Variants in PAX7 observed in about 807,000 individuals in gnomAD.
The protein encoded by PAX7 is paired box protein Pax-7.
In PAX7, 18 loss-of-function variants were observed where a neutral mutation model predicts 50.7. The observed-to-expected ratio is 0.36, with a 90% CI of 0.25 to 0.53. The LOEUF (loss-of-function observed/expected upper bound fraction) is 0.53. PAX7 is among the 20% of genes least tolerant of loss of function. The pLI, the probability that PAX7 is intolerant of heterozygous loss-of-function variation, is 0.93. For synonymous variants in PAX7, 310 were observed against 290.4 expected (o/e 1.07, Z -0.69); for missense variants, 644 against 702.9 (o/e 0.92, Z 0.95).
chr1:18,684,593 C>A (rs2088948011), intron 4 of PAX7, among the ~76,000 whole-genome samples: 1 of 152,256 alleles, frequency 6.6e-6, no homozygotes, highest in African/African-American at 2.4e-5. Context: ...CTTGCCGGGC[C>A]CCCAGCTGAG....
chr1:18,717,451 A>T (rs910452600), intron 7 of PAX7, among the ~76,000 whole-genome samples: 4 of 151,794 alleles, frequency 2.6e-5, no homozygotes, highest in African/African-American at 4.8e-5. Flanking sequence ...CCTTCCCTCC[A>T]CCTAGAACCT....
At chr1:18,736,084 C>T (rs2089709824) in intron 8 of PAX7, 19 of 884,628 alleles carry the variant, frequency 2.1e-5, no homozygotes, top group Non-Finnish European at 3.4e-5. Context: ...CCTGGCTAAG[C>T]CTCTGCTTCC....
intron 4 of PAX7, among the ~76,000 whole-genome samples, chr1:18,658,300 G>A (rs2088553753): frequency 1.4e-5 from 2 of 146,804 alleles, no homozygotes; most frequent in African/African-American, 5.1e-5. Flanking sequence ...AGCCCATCCT[G>A]GCTGTGTCTT....
intron 7 of PAX7, among the ~76,000 whole-genome samples, chr1:18,713,135 C>T (rs2089376758): frequency 6.6e-6 from 1 of 152,142 alleles, no homozygotes; most frequent in Non-Finnish European, 1.5e-5. Context: ...ACCAGCAAAA[C>T]ATCTTCCATC....
intron 8 of PAX7, among the ~76,000 whole-genome samples, chr1:18,738,622 A>C (rs1570248716): frequency 7.6e-6 from 1 of 131,306 alleles, no homozygotes; most frequent in African/African-American, 3.0e-5. Flanking sequence ...TTCCAGCTCC[A>C]CCCCTGCTGC....
intron 4 of PAX7, among the ~76,000 whole-genome samples, chr1:18,649,925 C>T (rs2100454435): frequency 6.6e-6 from 1 of 152,330 alleles, no homozygotes; most frequent in Middle Eastern, 3.4e-3. Flanking sequence ...GCAGGATCCA[C>T]CTAGTGGTTT....
At chr1:18,714,672 C>G (rs1248831200) in intron 7 of PAX7, among the ~76,000 whole-genome samples, 1 of 152,232 alleles carries the variant, frequency 6.6e-6, no homozygotes, top group Non-Finnish European at 1.5e-5. Context: ...TAGCAGAGAG[C>G]CTTCCTATTC....
At position 18,735,283 on chromosome 1, in the gene PAX7, C is replaced by T. The variant is rs560560330; in HGVS notation, c.1156-349C>T. Among the ~76,000 whole-genome samples, 4 of 152,308 alleles carry T rather than the reference C, an allele frequency of 2.6e-5. No homozygotes were observed. The highest frequency in any genetic ancestry group is 2.1e-4 in the South Asian group (1 of 4,814). ...ATGGGAGAGGCCTCATTAGCCAGTTCGTTCATTCATGCATTCATTCATGCA... is the reference window on the plus strand; with the variant it reads ...ATGGGAGAGGCCTCATTAGCCAGTTTGTTCATTCATGCATTCATTCATGCA... On this transcript the variant is annotated intron_variant, in intron 7 of 8. Coordinates refer to ENST00000420770, the MANE Select transcript of PAX7 (RefSeq NM_001135254.2). The surrounding 1 kb of genome is among the most constrained non-coding windows in gnomAD (Gnocchi z 4.0).
chr1:18,666,133 G>A (rs574853782), intron 4 of PAX7, among the ~76,000 whole-genome samples: 51 of 152,310 alleles, frequency 3.3e-4, no homozygotes, highest in Non-Finnish European at 6.5e-4. Flanking sequence ...GCGTAGCTCC[G>A]TCTCAATAAA....
intron 4 of PAX7, among the ~76,000 whole-genome samples, chr1:18,637,846 G>C (rs569039037): frequency 6.6e-6 from 1 of 152,350 alleles, no homozygotes; most frequent in Admixed American, 6.5e-5. Context: ...GGAAGAAAGG[G>C]AGCCAGCTGT....
chr1:18,694,506 A>AT (rs2089125838), intron 5 of PAX7, among the ~76,000 whole-genome samples: 1 of 149,300 alleles, frequency 6.7e-6, no homozygotes, highest in African/African-American at 2.4e-5. Flanking sequence ...ATAAATAAAT[A>AT]AATATAAAAT....
intron 4 of PAX7, among the ~76,000 whole-genome samples, chr1:18,681,082 G>A (rs889154285): frequency 2.1e-5 from 3 of 145,168 alleles, no homozygotes; most frequent in African/African-American, 5.1e-5. Context: ...CAGGAGAATC[G>A]CTTGAACCTG....
At chr1:18,732,824 G>T (rs1007674472) in intron 7 of PAX7, among the ~76,000 whole-genome samples, 1 of 152,034 alleles carries the variant, frequency 6.6e-6, no homozygotes. Flanking sequence ...ACCATCCCCC[G>T]ACTCCTCCCC....
At chr1:18,718,221 A>G (rs2089451429) in intron 7 of PAX7, among the ~76,000 whole-genome samples, 1 of 152,182 alleles carries the variant, frequency 6.6e-6, no homozygotes, top group South Asian at 2.1e-4. Context: ...AGAGCTGGCC[A>G]GGGATGGAAG....
chr1:18,711,077 C>T (rs894611460), intron 7 of PAX7, among the ~76,000 whole-genome samples: 2 of 152,202 alleles, frequency 1.3e-5, no homozygotes, highest in African/African-American at 4.8e-5. Flanking sequence ...CAGGCCTCCG[C>T]TTTCTCGGGA....
At chr1:18,675,213 C>A (rs951273327) in intron 4 of PAX7, among the ~76,000 whole-genome samples, 13 of 152,108 alleles carry the variant, frequency 8.5e-5, no homozygotes, top group Non-Finnish European at 1.9e-4. Context: ...CAGCAGCCCC[C>A]TTCTTTCCTC....
chr1:18,703,107 T>C lies in PAX7; in HGVS notation c.966T>C (p.Thr322=). 1 of 1,613,748 alleles carries C rather than the reference T, an allele frequency of 6.2e-7. No individual in the cohort carries two copies. Among genetic ancestry groups the C allele is most frequent in the Non-Finnish European group, 8.5e-7 (1 of 1,179,834 alleles). Residue 322 remains threonine, a synonymous_variant, in exon 7 of 9, where the codon ACT becomes ACC. Coordinates refer to ENST00000420770, the MANE Select transcript of PAX7 (RefSeq NM_001135254.2). ...GTCTCTCTACAGATGGGGGCAGCAC[T>C]GTGCACCGGCCTCAGCCCCTGCCAC... ...TTTISQDGGS[T]VHRPQPLPPS...
chr1:18,677,013 G>A (rs985253215), intron 4 of PAX7, among the ~76,000 whole-genome samples: 2 of 152,192 alleles, frequency 1.3e-5, no homozygotes, highest in African/African-American at 2.4e-5. Flanking sequence ...TTTACAGCCA[G>A]CCCACGGGCT....
At chr1:18,704,639 TA>T (rs2089261512) in intron 7 of PAX7, among the ~76,000 whole-genome samples, 1 of 150,770 alleles carries the variant, frequency 6.6e-6, no homozygotes, top group South Asian at 2.1e-4. Context: ...AATAAATAAA[TA>T]AAAAGAGAGA....
Sources: allele counts gnomAD v4.1 joint callset (sites outside exome capture counted in the v4.1 genomes callset), GRCh38; gene constraint gnomAD v4.1.1; non-coding constraint Gnocchi (gnomAD v3.1); transcripts MANE v1.5; gene names NCBI Gene and HGNC (gene_info 2026-07-23, HGNC 2026-07-21).